CNGB3: variants seen among roughly 807,000 people sequenced by gnomAD.
CNGB3 encodes the protein cyclic nucleotide-gated channel beta-3.
CNGB3 carries 86 observed loss-of-function variants against 92.8 expected under a neutral mutation model. That is an observed-to-expected ratio of 0.93 (90% CI 0.78 to 1.11). The LOEUF is 1.11. Ranked by LOEUF, CNGB3 falls within the 50% of genes least tolerant of loss-of-function variation. The pLI is 0.00. For missense variants in CNGB3, 1,026 were observed against 956.8 expected (o/e 1.07, Z -0.95); for synonymous variants, 333 against 332.7 (o/e 1.00, Z -0.01).
Position 86,730,605 on chromosome 8 carries a change from C to T in CNGB3, c.212-3948G>A, listed in dbSNP as rs1354154600. Among the ~76,000 whole-genome samples the T allele has an allele frequency of 2.6e-5, 4 of 152,134 alleles. No homozygotes were observed. The East Asian group carries it at 7.7e-4, about 29-fold the overall frequency. ...ACTTCAATTAGATGCATAAACAATA[C>T]TATTATTTTCCATCTAAATGAACAT... On this transcript the variant is annotated intron_variant, in intron 2 of 17. Transcript: ENST00000320005.
chr8:86,613,021 A>T (rs1315797702), intron 13 of CNGB3, among the ~76,000 whole-genome samples: 1 of 152,216 alleles, frequency 6.6e-6, no homozygotes, highest in Admixed American at 6.5e-5. Flanking sequence ...CTTATAAGAT[A>T]AAGAGAGTTA....
intron 2 of CNGB3, among the ~76,000 whole-genome samples, chr8:86,733,879 G>T (rs975853505): frequency 6.6e-5 from 10 of 152,060 alleles, no homozygotes; most frequent in Non-Finnish European, 1.2e-4. Flanking sequence ...ATTTATTTAT[G>T]GTTTAAGAGA....
At chr8:86,640,676 C>T (rs749622266) in intron 10 of CNGB3, among the ~76,000 whole-genome samples, 10 of 151,938 alleles carry the variant, frequency 6.6e-5, no homozygotes, top group Admixed American at 1.3e-4. Context: ...AAATAAAAGC[C>T]AATTAAGATC....
intron 3 of CNGB3, among the ~76,000 whole-genome samples, chr8:86,724,630 T>C (rs1223061596): frequency 6.6e-6 from 1 of 152,052 alleles, no homozygotes; most frequent in Non-Finnish European, 1.5e-5. Context: ...CAGATAATCA[T>C]ATAAAATGCA....
chr8:86,608,190 A>T (rs1450756716), intron 14 of CNGB3, among the ~76,000 whole-genome samples: 1 of 152,222 alleles, frequency 6.6e-6, no homozygotes, highest in African/African-American at 2.4e-5. Flanking sequence ...ATTACTCTTT[A>T]TTCCAATATT....
chr8:86,739,620 G>GTTTTTTTTTTTTTTTTTTTTGT, intron 2 of CNGB3, 35 bp downstream of exon 2: 1 of 1,488,506 alleles, frequency 6.7e-7, no homozygotes, highest in Non-Finnish European at 9.0e-7. Context: ...TCACTTTTTA[G>GTTTTTTTTTTTTTTTTTTTTGT]TTTTTTTTTT....
chr8:86,632,063 G>C (rs1051162550), intron 11 of CNGB3, among the ~76,000 whole-genome samples: 2 of 152,002 alleles, frequency 1.3e-5, no homozygotes, highest in South Asian at 4.2e-4. Flanking sequence ...GCTTGGTGTG[G>C]TGGGGTGCAA....
At chr8:86,678,206 A>G (rs989637324) in intron 3 of CNGB3, among the ~76,000 whole-genome samples, 2 of 152,212 alleles carry the variant, frequency 1.3e-5, no homozygotes, top group Non-Finnish European at 2.9e-5. Flanking sequence ...CTGAAAAAAA[A>G]TCTCACTTTA....
intron 1 of CNGB3, 66 bp from the exon 2 acceptor site, chr8:86,739,802 A>T: frequency 6.5e-7 from 1 of 1,537,060 alleles, no homozygotes; most frequent in Non-Finnish European, 9.0e-7. Flanking sequence ...AATGTAAAAC[A>T]TAACACCATT....
At chr8:86,719,588 T>A (rs544429503) in intron 3 of CNGB3, among the ~76,000 whole-genome samples, 82 of 152,060 alleles carry the variant, frequency 5.4e-4, no homozygotes, top group Non-Finnish European at 1.0e-3. Context: ...ATCTACAAAT[T>A]CAGTGTAATT....
rs754400786 is a variant in CNGB3 at position 86,579,099 on chromosome 8, G to T, written c.1928+7C>A. On this transcript the variant is annotated splice_region_variant and intron_variant, in intron 16 of 17. Coordinates refer to ENST00000320005, the MANE Select transcript of CNGB3 (RefSeq NM_019098.5). ...ATCCATCTCTAATGGTGTTTTAAAG[G>T]TTGTACCTGGCTTTCTTCATGAGGA... is the stretch of plus-strand genomic sequence containing the variant. The T allele has an allele frequency of 3.3e-5, 54 of 1,613,974 alleles. No homozygotes were observed. Among genetic ancestry groups the T allele is most frequent in the Middle Eastern group, 1.6e-4 (1 of 6,084 alleles).
Position 86,629,081 on chromosome 8 carries a change from A to C in CNGB3, c.1321-3T>G. 6.2e-7 allele frequency: 1 copy of C among 1,613,996 alleles called. No individual in the cohort carries two copies. The highest frequency in any genetic ancestry group is 8.5e-7 in the Non-Finnish European group (1 of 1,179,898). ...GCTGCTCCAATCACATCTCTCATCT[A>C]AAACCACAAATATGGTCACTCCACG... On this transcript the variant is annotated splice_polypyrimidine_tract_variant and splice_region_variant and intron_variant, in intron 11 of 17. Coordinates refer to ENST00000320005, the MANE Select transcript of CNGB3 (RefSeq NM_019098.5).
At chr8:86,726,014 G>A (rs924931103) in intron 3 of CNGB3, among the ~76,000 whole-genome samples, 15 of 152,026 alleles carry the variant, frequency 9.9e-5, no homozygotes, top group African/African-American at 3.6e-4. Flanking sequence ...ATACTCTTAC[G>A]GGAAGTACTT....
intron 6 of CNGB3, chr8:86,658,097 C>A (rs140945630): frequency 3.8e-6 from 2 of 527,240 alleles, no homozygotes; most frequent in African/African-American, 2.0e-5. Context: ...GGGTGGGCCT[C>A]CCCACACACA....
intron 7 of CNGB3, among the ~76,000 whole-genome samples, chr8:86,649,762 C>A (rs1823362158): frequency 6.6e-6 from 1 of 151,408 alleles, no homozygotes; most frequent in South Asian, 2.1e-4. Context: ...GACTAAAGCC[C>A]CAAAAGCAAA....
intron 14 of CNGB3, among the ~76,000 whole-genome samples, chr8:86,605,312 GA>G (rs1273795382): frequency 2.0e-5 from 3 of 152,146 alleles, no homozygotes; most frequent in African/African-American, 4.8e-5. Context: ...AAAAAGAATA[GA>G]TGTCTTACAA....
chr8:86,634,435 G>A (rs943668146), intron 10 of CNGB3, among the ~76,000 whole-genome samples: 1 of 152,058 alleles, frequency 6.6e-6, no homozygotes, highest in African/African-American at 2.4e-5. Context: ...TTCCCGATAG[G>A]TTTATTGTGA....
At chr8:86,640,980 CAGG>C (rs1823173037) in intron 10 of CNGB3, among the ~76,000 whole-genome samples, 1 of 151,932 alleles carries the variant, frequency 6.6e-6, no homozygotes, top group Non-Finnish European at 1.5e-5. Context: ...CAGGATGAAA[CAGG>C]AGGTTGGCAC....
chr8:86,678,027 T>C (rs1289816912), intron 3 of CNGB3, among the ~76,000 whole-genome samples: 1 of 152,202 alleles, frequency 6.6e-6, no homozygotes, highest in Non-Finnish European at 1.5e-5. Flanking sequence ...TTCAATTTTT[T>C]TAAAACCCAC....
Sources: gnomAD v4.1 joint callset for allele counts (sites outside exome capture counted in the v4.1 genomes callset) on GRCh38, gnomAD v4.1.1 for gene constraint, MANE v1.5 for transcripts, NCBI Gene and HGNC (gene_info 2026-07-23, HGNC 2026-07-21) for gene names.